Variants in SGCZ observed in about 807,000 individuals in gnomAD.
The protein encoded by SGCZ is zeta-sarcoglycan.
Under a neutral mutation model 41.3 loss-of-function variants are expected in SGCZ, and 40 were observed. That is an observed-to-expected ratio of 0.97 (90% CI 0.75 to 1.26). SGCZ has a LOEUF of 1.26. Among genes scored for constraint, SGCZ ranks in the 50% most tolerant of loss-of-function variants. SGCZ has a pLI of 0.00. For missense variants in SGCZ, 552 were observed against 369.8 expected, an observed-to-expected ratio of 1.49 and a Z score of -4.04; for synonymous variants, 206 against 137.5, an observed-to-expected ratio of 1.50 and a Z score of -3.49.
intron 2 of SGCZ, among the ~76,000 whole-genome samples, chr8:14,492,680 C>T (rs530699633): frequency 7.4e-4 from 112 of 152,284 alleles, no homozygotes; most frequent in African/African-American, 2.5e-3. Context: ...ACCACTTTCA[C>T]CATCTTCTGT....
intron 1 of SGCZ, among the ~76,000 whole-genome samples, chr8:14,802,382 A>C (rs755087234): frequency 5.0e-4 from 76 of 152,250 alleles, no homozygotes; most frequent in Non-Finnish European, 9.4e-4. Context: ...TGCCTGGATA[A>C]TTCTAGCATT....
chr8:15,041,863 G>A (rs1804109438), intron 1 of SGCZ, among the ~76,000 whole-genome samples: 1 of 152,088 alleles, frequency 6.6e-6, no homozygotes, highest in Non-Finnish European at 1.5e-5. Flanking sequence ...AAAAGCATTA[G>A]TCAATCTATT....
rs189035153 is a variant in SGCZ at position 15,078,464 on chromosome 8, G to A, written c.39+159121C>T. On this transcript the variant is annotated intron_variant, in intron 1 of 7. Coordinates refer to ENST00000382080, the MANE Select transcript of SGCZ (RefSeq NM_139167.4). ...TGAAAAACTGGTATCTTTTTGACTG[G>A]TCTTCTATTTGCATACTTACTCTTT... 2.0e-3 allele frequency among the ~76,000 whole-genome samples: 305 copies of A among 151,804 alleles called. 1 individual carries two copies. Among genetic ancestry groups the A allele is most frequent in the African/African-American group, 7.1e-3 (292 of 41,406 alleles).
At chr8:14,638,560 T>G (rs987729977) in intron 1 of SGCZ, among the ~76,000 whole-genome samples, 2 of 151,856 alleles carry the variant, frequency 1.3e-5, no homozygotes, top group Non-Finnish European at 2.9e-5. Flanking sequence ...ATTGTTATCT[T>G]TACCCACTTT....
chr8:15,157,191 T>A (rs73527052), intron 1 of SGCZ, among the ~76,000 whole-genome samples: 3,079 of 152,168 alleles, frequency 0.02, 90 homozygotes, highest in African/African-American at 0.069. Context: ...CATTTTATAC[T>A]TACCCATAAA....
At chr8:14,653,353 T>A (rs1807463513) in intron 1 of SGCZ, among the ~76,000 whole-genome samples, 1 of 152,124 alleles carries the variant, frequency 6.6e-6, no homozygotes, top group African/African-American at 2.4e-5. Flanking sequence ...ACTAAATGAA[T>A]GAAAGAAACA....
intron 1 of SGCZ, among the ~76,000 whole-genome samples, chr8:14,941,747 AT>A (rs1800281490): frequency 6.6e-6 from 1 of 151,642 alleles, no homozygotes; most frequent in African/African-American, 2.4e-5. Context: ...TAGAGACTTG[AT>A]TTTTTGCATA....
At chr8:14,770,900 T>C (rs1451190410) in intron 1 of SGCZ, among the ~76,000 whole-genome samples, 1 of 152,102 alleles carries the variant, frequency 6.6e-6, no homozygotes, top group Non-Finnish European at 1.5e-5. Flanking sequence ...AAACAATAAA[T>C]ATGCTGTCAA....
At chr8:15,119,856 C>T (rs1445638980) in intron 1 of SGCZ, among the ~76,000 whole-genome samples, 4 of 152,290 alleles carry the variant, frequency 2.6e-5, no homozygotes, top group Middle Eastern at 3.4e-3. Flanking sequence ...GTTGACCAGG[C>T]TGGAGTGCAG....
chr8:14,859,318 G>T (rs1031568670), intron 1 of SGCZ, among the ~76,000 whole-genome samples: 1 of 151,764 alleles, frequency 6.6e-6, no homozygotes, highest in Non-Finnish European at 1.5e-5. Flanking sequence ...GCATATTTTG[G>T]GACCATTCAT....
At chr8:14,775,188 G>A (rs545909886) in intron 1 of SGCZ, among the ~76,000 whole-genome samples, 1 of 152,218 alleles carries the variant, frequency 6.6e-6, no homozygotes, top group East Asian at 1.9e-4. Context: ...GAATCACCTG[G>A]AGATTTTGTA....
intron 1 of SGCZ, among the ~76,000 whole-genome samples, chr8:15,020,102 C>T (rs775167197): frequency 6.6e-6 from 1 of 151,824 alleles, no homozygotes; most frequent in African/African-American, 2.4e-5. Flanking sequence ...ATAGAAGAGA[C>T]GAGACTCCCC....
intron 2 of SGCZ, among the ~76,000 whole-genome samples, chr8:14,427,390 G>A (rs1056190459): frequency 5.2e-4 from 79 of 151,944 alleles, no homozygotes; most frequent in Non-Finnish European, 7.4e-5. Context: ...AAGAAAAAGC[G>A]TGAAGGCATT....
intron 1 of SGCZ, among the ~76,000 whole-genome samples, chr8:14,745,341 T>C (rs1037915302): frequency 2.0e-5 from 3 of 152,150 alleles, no homozygotes; most frequent in African/African-American, 7.2e-5. Context: ...AACCTAAGTC[T>C]TTTGGAAGCT....
At chr8:14,723,935 A>G (rs1386346119) in intron 1 of SGCZ, among the ~76,000 whole-genome samples, 1 of 152,110 alleles carries the variant, frequency 6.6e-6, no homozygotes, top group African/African-American at 2.4e-5. Flanking sequence ...TCATTGAAGC[A>G]TAATATGATA....
chr8:14,578,944 AC>A lies in SGCZ; in HGVS notation c.40-24019del, dbSNP rs1198901697. Among the ~76,000 whole-genome samples, 13 of 152,252 alleles carry A rather than the reference AC, an allele frequency of 8.5e-5. No individual in the cohort carries two copies. In the East Asian group the frequency reaches 2.5e-3, roughly 29 times the overall value. The stretch of plus-strand genomic sequence containing the variant: ...CTCTTTTCCTACTCTTCTGTCGTTT[AC>A]TTTAGGATCTAGGAAGGATAAATTC... On this transcript the variant is annotated intron_variant, in intron 1 of 7. Transcript: ENST00000382080.
intron 1 of SGCZ, among the ~76,000 whole-genome samples, chr8:15,075,852 A>G (rs538609380): frequency 6.6e-6 from 1 of 152,010 alleles, no homozygotes; most frequent in African/African-American, 2.4e-5. Flanking sequence ...GCCTACCAAT[A>G]TTTTTCTAAA....
intron 1 of SGCZ, among the ~76,000 whole-genome samples, chr8:15,179,087 G>T (rs1394873352): frequency 6.6e-6 from 1 of 151,834 alleles, no homozygotes; most frequent in African/African-American, 2.4e-5. Context: ...TTGTTTTGCT[G>T]GGAACAAACC....
At chr8:14,794,613 T>C (rs557820255) in intron 1 of SGCZ, among the ~76,000 whole-genome samples, 17 of 152,186 alleles carry the variant, frequency 1.1e-4, no homozygotes, top group African/African-American at 4.1e-4. Flanking sequence ...AAGAAAGAAG[T>C]TAGAAAATAA....
Sources: gnomAD v4.1 joint callset for allele counts (sites outside exome capture counted in the v4.1 genomes callset) on GRCh38, gnomAD v4.1.1 for gene constraint, MANE v1.5 for transcripts, NCBI Gene and HGNC (gene_info 2026-07-23, HGNC 2026-07-21) for gene names.